Variants in HERC2 observed in about 807,000 individuals in gnomAD.
HERC2 encodes E3 ubiquitin-protein ligase HERC2.
Under a neutral mutation model 537.7 loss-of-function variants are expected in HERC2, and 102 were observed. That is an observed-to-expected ratio of 0.19 (90% CI 0.16 to 0.22). The LOEUF (loss-of-function observed/expected upper bound fraction) is 0.22, where lower values mean the gene tolerates loss of function less well. Among genes scored for constraint, HERC2 ranks in the 10% least tolerant of loss-of-function variants. The pLI is 1.00. For missense variants in HERC2, 4,236 were observed against 6,198.2 expected (o/e 0.68, Z 10.63); for synonymous variants, 2,224 against 2,466.2 (o/e 0.90, Z 2.91).
chr15:28,246,070 C>A lies in HERC2; in HGVS notation c.3392-4G>T, dbSNP rs750512802. 9 of 1,559,324 alleles carry A rather than the reference C, an allele frequency of 5.8e-6. No homozygotes were observed. In the South Asian group the frequency reaches 1.0e-4, roughly 18 times the overall value. On this transcript the variant is annotated splice_region_variant and splice_polypyrimidine_tract_variant and intron_variant, in intron 22 of 92. Coordinates refer to ENST00000261609, the MANE Select transcript of HERC2 (RefSeq NM_004667.6). Reference sequence around the variant, plus strand: ...ACTAGTTCTGGAAGGAGAACACCTACATTTAAGAAATAATAAGATTTAAAT... The same window carrying A: ...ACTAGTTCTGGAAGGAGAACACCTAAATTTAAGAAATAATAAGATTTAAAT...
chr15:28,314,700 CA>C (rs1037599028), intron 2 of HERC2, among the ~76,000 whole-genome samples: 54 of 143,566 alleles, frequency 3.8e-4, no homozygotes, highest in Admixed American at 2.8e-4. Context: ...ACTAAAAATA[CA>C]AAAAAAAAAA....
chr15:28,141,530 C>T lies in HERC2; in HGVS notation c.11917G>A (p.Val3973Ile), dbSNP rs1891223234. 1.2e-6 allele frequency: 2 copies of T among 1,614,136 alleles called. No homozygotes were observed. The highest frequency in any genetic ancestry group is 2.7e-5 in the African/African-American group (2 of 75,014). ...GQLGGIEGAK[V>I]KVPTPCEALA... ...GCTTCACAGGGAGTGGGAACTTTGA[C>T]TTTTGCGCCTTCAATGCCCCCGAGC... The change falls in exon 78 of 93, where the codon GTC becomes ATC. Residue 3973 changes from valine to isoleucine, a missense_variant. By Grantham distance (29) the Val-to-Ile change is conservative. Transcript: ENST00000261609.
At chr15:28,213,413 TG>T (rs1201527040) in intron 42 of HERC2, 2 of 111,584 alleles carry the variant, frequency 1.8e-5, no homozygotes, top group African/African-American at 3.6e-5. Context: ...TAAACATGTT[TG>T]TTTTTTTAAA....
intron 5 of HERC2, among the ~76,000 whole-genome samples, chr15:28,277,756 G>A (rs2075914183): frequency 6.6e-6 from 1 of 152,266 alleles, no homozygotes; most frequent in Admixed American, 6.5e-5. Flanking sequence ...TACCAAATGG[G>A]TAGGAATCTC....
chr15:28,266,930 G>A lies in HERC2; in HGVS notation c.1599-956C>T, dbSNP rs2075585038. ...GTATGGAAGCCTCATAAAGCTGACC[G>A]ACATTTATATGTATTTGTTAAATGA... is the stretch of plus-strand genomic sequence containing the variant. On this transcript the variant is annotated intron_variant, in intron 12 of 92. Coordinates refer to ENST00000261609, the MANE Select transcript of HERC2 (RefSeq NM_004667.6). Among the ~76,000 whole-genome samples the A allele has an allele frequency of 2.6e-5, 4 of 152,132 alleles. 1 individual carries two copies. In the South Asian group the frequency reaches 6.2e-4, roughly 24 times the overall value.
At chr15:28,170,912 A>T (rs1894630447) in intron 65 of HERC2, among the ~76,000 whole-genome samples, 1 of 152,252 alleles carries the variant, frequency 6.6e-6, no homozygotes, top group Admixed American at 6.5e-5. Context: ...AATTAGCCAT[A>T]AGGAAAATAT....
chr15:28,308,285 C>T (rs2076847741), intron 2 of HERC2, among the ~76,000 whole-genome samples: 1 of 152,132 alleles, frequency 6.6e-6, no homozygotes, highest in South Asian at 2.1e-4. Context: ...TCTTTGGTTA[C>T]TTCCCAGGTA....
chr15:28,143,712 G>C (rs527960090), intron 74 of HERC2, among the ~76,000 whole-genome samples, 161 bp downstream of exon 74: 18 of 152,026 alleles, frequency 1.2e-4, no homozygotes, highest in African/African-American at 4.1e-4. Context: ...TCCCAAAGTG[G>C]TGGCATTACA....
chr15:28,274,787 T>G (rs904795320), intron 6 of HERC2, 118 bp downstream of exon 6: 2 of 769,980 alleles, frequency 2.6e-6, no homozygotes, highest in Non-Finnish European at 4.4e-6. Flanking sequence ...GCAAGGAAAC[T>G]GAGGCACAGA....
intron 23 of HERC2, among the ~76,000 whole-genome samples, chr15:28,240,989 C>T (rs556452413): frequency 1.9e-4 from 29 of 152,248 alleles, no homozygotes; most frequent in African/African-American, 6.5e-4. Context: ...AATTTGGTGA[C>T]GTGTCTTGAA....
At chr15:28,287,243 A>G (rs1373202770) in intron 4 of HERC2, among the ~76,000 whole-genome samples, 1 of 152,174 alleles carries the variant, frequency 6.6e-6, no homozygotes, top group Admixed American at 6.5e-5. Flanking sequence ...CAGAAAAAGA[A>G]ATGAAAGGAA....
intron 30 of HERC2, 143 bp from the exon 31 acceptor site, chr15:28,230,643 A>G: frequency 1.7e-6 from 1 of 591,048 alleles, no homozygotes; most frequent in East Asian, 3.0e-5. Flanking sequence ...ATGCTCAACA[A>G]CAAGAGTGAA....
rs375047461 is a variant in HERC2 at position 28,117,183 on chromosome 15, G to C, written c.13273-29C>G. 1.9e-6 allele frequency: 3 copies of C among 1,611,312 alleles called. No homozygotes were observed. In the African/African-American group the frequency reaches 4.0e-5, roughly 22 times the overall value. On this transcript the variant is annotated intron_variant, in intron 86 of 92. Coordinates refer to ENST00000261609, the MANE Select transcript of HERC2 (RefSeq NM_004667.6). ...GAGAGGAGGAAGCAAGCAAGCGTGA[G>C]GCCGCTGCCGCAGCAGGAAGCACAC...
chr15:28,232,480 C>T (rs1901980065), intron 30 of HERC2, among the ~76,000 whole-genome samples: 1 of 150,578 alleles, frequency 6.6e-6, no homozygotes, highest in South Asian at 2.1e-4. Context: ...ACCTGGGAGG[C>T]GGAGGTTGCA....
intron 2 of HERC2, among the ~76,000 whole-genome samples, chr15:28,308,949 T>C (rs1439953700): frequency 1.3e-5 from 2 of 152,242 alleles, no homozygotes; most frequent in Non-Finnish European, 2.9e-5. Context: ...GGTTTGCTAG[T>C]ATTTTGTTGA....
rs759288574 is a variant in HERC2, at chr15:28,152,861, G to A, written c.10747-31C>T. The stretch of plus-strand genomic sequence containing the variant: ...GAGGAAGCAAGGACATGAATGAGGG[G>A]GCCAACAGCCCCACACCTGGTCACC... On this transcript the variant is annotated intron_variant, in intron 69 of 92. Coordinates refer to ENST00000261609, the MANE Select transcript of HERC2 (RefSeq NM_004667.6). 9 of 1,550,396 alleles carry A rather than the reference G, an allele frequency of 5.8e-6. No individual in the cohort carries two copies. In the East Asian group the frequency reaches 1.5e-4, roughly 25 times the overall value.
Position 28,113,723 on chromosome 15 carries a change from G to A in HERC2, c.13914-45C>T. On this transcript the variant is annotated intron_variant, in intron 90 of 92. Coordinates refer to ENST00000261609, the MANE Select transcript of HERC2 (RefSeq NM_004667.6). The surrounding 1 kb of genome is among the most constrained non-coding windows in gnomAD (Gnocchi z 7.0). ...TTACACTTCTGTCTTCAGTGACACT[G>A]ACTTTATGCTGCTCACACCAAGCCT... 1.3e-6 allele frequency: 2 copies of A among 1,490,290 alleles called. No homozygotes were observed. The highest frequency in any genetic ancestry group is 1.9e-6 in the Non-Finnish European group (2 of 1,071,452). The allele number at this position is 1,490,290 out of a possible 1,614,324, so 92.3% of individuals were successfully genotyped here.
rs750423457 is a variant in HERC2 at position 28,233,773 on chromosome 15, C to T, written c.4242G>A (p.Arg1414=). The change falls in exon 28 of 93, where the codon AGG becomes AGA. Residue 1414 remains arginine (R), a synonymous_variant. Coordinates refer to ENST00000261609, the MANE Select transcript of HERC2 (RefSeq NM_004667.6). ...NVKDFLCQIE[R]YCRQCHLTTP... is the part of the protein sequence containing the mutation. ...TGGTCAAATGGCACTGCCTACAGTA[C>T]CTTTCTATTTGACACAAAAAGTCCT... The T allele has an allele frequency of 1.2e-6, 2 of 1,612,576 alleles. No individual in the cohort carries two copies. Among genetic ancestry groups the T allele is most frequent in the Non-Finnish European group, 1.7e-6 (2 of 1,179,686 alleles).
intron 69 of HERC2, among the ~76,000 whole-genome samples, chr15:28,161,664 T>A (rs181370275): frequency 1.7e-3 from 257 of 152,370 alleles, no homozygotes; most frequent in African/African-American, 5.8e-3. Context: ...CATATTTCAG[T>A]GTGCAGTGGC....
Sources: gnomAD v4.1 joint callset for allele counts (sites outside exome capture counted in the v4.1 genomes callset) on GRCh38, gnomAD v4.1.1 for gene constraint, Gnocchi (gnomAD v3.1) non-coding constraint, MANE v1.5 for transcripts, NCBI Gene and HGNC (gene_info 2026-07-23, HGNC 2026-07-21) for gene names.